The following CXorf38 variants were observed in gnomAD, a reference collection of about 807,000 sequenced individuals.
CXorf38 encodes chromosome X open reading frame 38.
Under a neutral mutation model 27.5 loss-of-function variants are expected in CXorf38, and 13 were observed. That is an observed-to-expected ratio of 0.47 (90% CI 0.31 to 0.75). The LOEUF (loss-of-function observed/expected upper bound fraction) is 0.75, where lower values mean the gene tolerates loss of function less well. Ranked by LOEUF, CXorf38 falls within the 30% of genes least tolerant of loss-of-function variation. The pLI, the probability that CXorf38 is intolerant of heterozygous loss-of-function variation, is 0.05. For missense variants in CXorf38, 240 were observed against 253.2 expected (o/e 0.95, Z 0.35); for synonymous variants, 100 against 99.8 (o/e 1.00, Z -0.01).
In CXorf38 at chrX:40,647,380, T is replaced by C. The variant is rs201572324; in HGVS notation, c.141A>G (p.Leu47=). ...GREVLSFHRG[L]LAAAPGLGPR... ...GCCCCAGGCCGGGGGCTGCGGCGAGTAGGCCGCGGTGGAAGGAGAGCACCT... is the reference window on the plus strand; with the variant it reads ...GCCCCAGGCCGGGGGCTGCGGCGAGCAGGCCGCGGTGGAAGGAGAGCACCT... Residue 47 remains leucine (L), a synonymous_variant, in exon 1 of 7, where the codon CTA becomes CTG. Transcript: ENST00000327877. 2,564 of 1,172,466 alleles carry C rather than the reference T, an allele frequency of 2.2e-3. 35 individuals carry two copies. The African/African-American group carries it at 0.041, about 19-fold the overall frequency.
chrX:40,637,526 G>A (rs142907201), intron 3 of CXorf38, among the ~76,000 whole-genome samples: 1,223 of 111,813 alleles, frequency 0.011, 19 homozygotes, highest in African/African-American at 0.038. Context: ...GACTGGTTCA[G>A]GGCAAACTGG....
chrX:40,632,594 T>A (rs971636214), intron 5 of CXorf38, among the ~76,000 whole-genome samples: 1 of 107,071 alleles, frequency 9.3e-6, no homozygotes, highest in South Asian at 4.0e-4. Context: ...AAGGAGGCTT[T>A]AAAAAAAAAA....
chrX:40,647,487 A>C lies in CXorf38; in HGVS notation c.34T>G (p.Cys12Gly). Residue 12 changes from cysteine (C) to glycine (G), a missense_variant, in exon 1 of 7, where the codon TGC becomes GGC. Coordinates refer to ENST00000327877, the MANE Select transcript of CXorf38 (RefSeq NM_144970.3). ...TTCACCCAGTTCTTGTACTCGGCGC[A>C]GTTGAGGCGCGCCGCTAGCTCCGAC... ...VLSELAARLN[C>G]AEYKNWVKAG... 1 of 1,188,110 alleles carries C rather than the reference A, an allele frequency of 8.4e-7. No individual in the cohort carries two copies.
intron 5 of CXorf38, among the ~76,000 whole-genome samples, chrX:40,633,227 T>C (rs1311309517): frequency 1.8e-5 from 2 of 110,820 alleles, no homozygotes; most frequent in African/African-American, 3.3e-5. Context: ...GTGGCTCCTT[T>C]TGTCATCCCA....
In CXorf38 at chrX:40,628,268, T is replaced by C. The variant is rs1190445659; in HGVS notation, c.*1896A>G. 8.9e-6 allele frequency: 1 copy of C among 112,304 alleles called. No individual in the cohort carries two copies. Among genetic ancestry groups the C allele is most frequent in the Non-Finnish European group, 1.9e-5 (1 of 53,282 alleles). 9.3% of individuals were successfully genotyped at this position (112,304 alleles called of 1,213,427 possible). ...CAAAGTGATATTAAGTGCATTTTAA[T>C]GTAAAAATATACACCAAATAAACCC... On this transcript the variant is annotated 3_prime_UTR_variant, in exon 7 of 7. Coordinates refer to ENST00000327877, the MANE Select transcript of CXorf38 (RefSeq NM_144970.3).
intron 5 of CXorf38, among the ~76,000 whole-genome samples, chrX:40,634,621 T>A (rs1927980063): frequency 8.9e-6 from 1 of 112,082 alleles, no homozygotes; most frequent in Non-Finnish European, 1.9e-5. Flanking sequence ...TTTACATTCA[T>A]TGAAATCTGG....
chrX:40,633,932 G>A (rs1474594642), intron 5 of CXorf38, among the ~76,000 whole-genome samples: 1 of 110,926 alleles, frequency 9.0e-6, no homozygotes, highest in Non-Finnish European at 1.9e-5. Flanking sequence ...TGGGGCAGAT[G>A]AGCCCATGGC....
At chrX:40,640,759 G>C (rs1928282761) in intron 2 of CXorf38, among the ~76,000 whole-genome samples, 1 of 110,158 alleles carries the variant, frequency 9.1e-6, no homozygotes, top group Non-Finnish European at 1.9e-5. Flanking sequence ...GGCCAACATG[G>C]TGAAACCCCA....
chrX:40,644,073 A>G (rs938471645), intron 2 of CXorf38, among the ~76,000 whole-genome samples: 48 of 112,158 alleles, frequency 4.3e-4, no homozygotes, highest in African/African-American at 1.5e-3. Context: ...TAGTGAATGG[A>G]GCTGCTATGA....
At chrX:40,637,238 T>G (rs774103602) in intron 3 of CXorf38, 82 bp from the exon 4 acceptor site, 1 of 685,550 alleles carries the variant, frequency 1.5e-6, no homozygotes, top group Non-Finnish European at 2.1e-6. Context: ...GAAAAAATCA[T>G]AGAGAGGCTT....
chrX:40,636,621 T>C lies in CXorf38; in HGVS notation c.713A>G (p.Gln238Arg), dbSNP rs1486034020. Residue 238 changes from glutamine to arginine, a missense_variant, in exon 5 of 7, where the codon CAA (glutamine) becomes CGA (arginine). Physicochemically the swap from Gln to Arg is conservative, Grantham distance 43. Transcript: ENST00000327877. ...TAACTGCATTTCTATTTCATTGACT[T>C]GGCTCTCACTCAGGTAAGTTCCCAT... Reference protein sequence around the residue: ...CEMGTYLSESQVNEIEMQLLK... With the variant: ...CEMGTYLSESRVNEIEMQLLK... 1 of 1,205,504 alleles carries C rather than the reference T, an allele frequency of 8.3e-7. No homozygotes were observed. Among genetic ancestry groups the C allele is most frequent in the Non-Finnish European group, 1.1e-6 (1 of 890,692 alleles).
At chrX:40,632,490 TG>T (rs1927867538) in intron 5 of CXorf38, among the ~76,000 whole-genome samples, 1 of 111,986 alleles carries the variant, frequency 8.9e-6, no homozygotes, top group Non-Finnish European at 1.9e-5. Context: ...TTCTCCTTTG[TG>T]AAATGCAACA....
chrX:40,630,810 A>G, intron 5 of CXorf38, 37 bp from the exon 6 acceptor site: 1 of 1,158,668 alleles, frequency 8.6e-7, no homozygotes. Context: ...AGCTTAGACG[A>G]TTTTATAGCA....
At chrX:40,643,067 C>T (rs778542296) in intron 2 of CXorf38, among the ~76,000 whole-genome samples, 15 of 109,585 alleles carry the variant, frequency 1.4e-4, no homozygotes, top group African/African-American at 3.7e-4. Context: ...TGAACCACCG[C>T]GCCCAGCCAC....
At chrX:40,634,475 G>A (rs1927973109) in intron 5 of CXorf38, among the ~76,000 whole-genome samples, 1 of 112,434 alleles carries the variant, frequency 8.9e-6, no homozygotes, top group Non-Finnish European at 1.9e-5. Flanking sequence ...ATCCCGGGAT[G>A]CACACTTTTT....
chrX:40,630,754 A>G lies in CXorf38; in HGVS notation c.821T>C (p.Val274Ala). ...LPEELSNRLEVVKEFLRNNED... is the reference protein window; with the variant it reads ...LPEELSNRLEAVKEFLRNNED... ...ATTGTTTCTCAGAAATTCCTTCACC[A>G]CTTCCAGTCGATTTGAGAGCTGCAA... Residue 274 changes from valine to alanine, a missense_variant, in exon 6 of 7, where the codon GTG becomes GCG. Transcript: ENST00000327877. 1 of 1,209,942 alleles carries G rather than the reference A, an allele frequency of 8.3e-7. No homozygotes were observed. Among genetic ancestry groups the G allele is most frequent in the South Asian group, 1.8e-5 (1 of 56,632 alleles).
At chrX:40,635,408 G>A (rs1313699071) in intron 5 of CXorf38, among the ~76,000 whole-genome samples, 2 of 112,710 alleles carry the variant, frequency 1.8e-5, no homozygotes, top group South Asian at 3.6e-4. Flanking sequence ...GCACAGCTCC[G>A]TGAATTTGCA....
chrX:40,636,580 G>A lies in CXorf38; in HGVS notation c.754C>T (p.Gln252Ter). The change falls in exon 5 of 7, where the codon CAA becomes TAA. Residue 252 changes from glutamine (Q) to a stop codon, truncating the protein, a stop_gained. Coordinates refer to ENST00000327877, the MANE Select transcript of CXorf38 (RefSeq NM_144970.3). LOFTEE classifies it high-confidence loss of function. ...TCTTCTGCTTGAAGATATATCTCTT[G>A]AAGTTTCTCCTTTAGTAACTGCATT... ...IEMQLLKEKL[Q>*]EIYLQAEEQE... is the part of the protein sequence containing the mutation. The A allele has an allele frequency of 1.7e-6, 2 of 1,205,324 alleles. No individual in the cohort carries two copies. Among genetic ancestry groups the A allele is most frequent in the Non-Finnish European group, 2.2e-6 (2 of 891,193 alleles).
At chrX:40,647,226 G>A (rs1358522405) in intron 1 of CXorf38, 79 bp downstream of exon 1, 6 of 1,149,080 alleles carry the variant, frequency 5.2e-6, no homozygotes, top group African/African-American at 1.8e-5. Context: ...GGACACTTGC[G>A]CTCTGGGTCT....
Sources: allele counts gnomAD v4.1 joint callset (sites outside exome capture counted in the v4.1 genomes callset), GRCh38; gene constraint gnomAD v4.1.1; transcripts MANE v1.5; gene names NCBI Gene and HGNC (gene_info 2026-07-23, HGNC 2026-07-21).